SAMD5: variants seen among roughly 807,000 people sequenced by gnomAD.
SAMD5 encodes the protein sterile alpha motif domain-containing protein 5.
In SAMD5, 13 loss-of-function variants were observed where a neutral mutation model predicts 11.3. That is an observed-to-expected ratio of 1.15 (90% CI 0.75 to 1.83). The LOEUF (loss-of-function observed/expected upper bound fraction) is 1.83. SAMD5 is among the 40% of genes most tolerant of loss of function. The pLI, the probability that SAMD5 is intolerant of heterozygous loss-of-function variation, is 0.00. For missense variants in SAMD5, 255 were observed against 239.1 expected (o/e 1.07, Z -0.44); for synonymous variants, 129 against 111.3 (o/e 1.16, Z -1.00).
chr6:147,646,542 G>A (rs529916457), intron 1 of SAMD5, among the ~76,000 whole-genome samples: 50 of 152,200 alleles, frequency 3.3e-4, no homozygotes, highest in African/African-American at 1.2e-3. Context: ...AAACTAGAGA[G>A]CTTATCGTTA....
chr6:147,751,793 C>CT, the SAMD5 span, among the ~76,000 whole-genome samples: 1 of 151,884 alleles, frequency 6.6e-6, no homozygotes, highest in Non-Finnish European at 1.5e-5. Flanking sequence ...TTTCTTTATT[C>CT]TTTTTTTGGA....
At chr6:147,862,026 T>C in the SAMD5 span, among the ~76,000 whole-genome samples, 1 of 152,188 alleles carries the variant, frequency 6.6e-6, no homozygotes, top group Non-Finnish European at 1.5e-5. Context: ...ACTAAGAATG[T>C]TCTGAGGCTG....
At chr6:147,821,716 G>T in the SAMD5 span, among the ~76,000 whole-genome samples, 1 of 152,170 alleles carries the variant, frequency 6.6e-6, no homozygotes, top group Admixed American at 6.5e-5. Flanking sequence ...TTACCCTGCA[G>T]TATACTTGTT....
At chr6:147,672,578 T>C (rs1315903204) in intron 1 of SAMD5, among the ~76,000 whole-genome samples, 1 of 152,184 alleles carries the variant, frequency 6.6e-6, no homozygotes, top group Non-Finnish European at 1.5e-5. Flanking sequence ...ATGTTTAACA[T>C]AGTTAAATAA....
chr6:147,919,263 C>T, the SAMD5 span, among the ~76,000 whole-genome samples: 47 of 152,310 alleles, frequency 3.1e-4, no homozygotes, highest in African/African-American at 1.1e-3. Flanking sequence ...AATCTAGAGA[C>T]TTCACATGGG....
the SAMD5 span, among the ~76,000 whole-genome samples, chr6:147,947,052 G>A: frequency 8.6e-5 from 13 of 151,322 alleles, no homozygotes; most frequent in Non-Finnish European, 1.9e-4. Flanking sequence ...CGTTTACGGG[G>A]CAAATCCTTC....
chr6:147,602,523 C>A (rs544195147), intron 1 of SAMD5, among the ~76,000 whole-genome samples: 5 of 152,134 alleles, frequency 3.3e-5, no homozygotes, highest in Non-Finnish European at 7.4e-5. Flanking sequence ...GTGGGTGGAT[C>A]ATCTGGGGTC....
chr6:147,915,916 A>G, the SAMD5 span, among the ~76,000 whole-genome samples: 1 of 91,714 alleles, frequency 1.1e-5, no homozygotes, highest in Non-Finnish European at 2.1e-5. Context: ...CCCACCCCAC[A>G]ACAGGCCCCG....
chr6:147,730,074 C>CAAAAAAAAAAAAAA (rs34624038), intron 1 of SAMD5: 265 of 307,834 alleles, frequency 8.6e-4, no homozygotes, highest in South Asian at 1.5e-3. Flanking sequence ...GACTCTGTCT[C>CAAAAAAAAAAAAAA]AAAAAAAAAA....
chr6:147,651,836 C>T (rs1359101858), intron 1 of SAMD5, among the ~76,000 whole-genome samples: 1 of 152,152 alleles, frequency 6.6e-6, no homozygotes, highest in Non-Finnish European at 1.5e-5. Context: ...ATTAGAGATT[C>T]TTTTACCAAC....
intron 1 of SAMD5, among the ~76,000 whole-genome samples, chr6:147,735,317 TAGA>T (rs1354899654): frequency 6.6e-6 from 1 of 152,232 alleles, no homozygotes; most frequent in Admixed American, 6.5e-5. Context: ...CATAGGATGT[TAGA>T]AGAGGGTTTT....
downstream of SAMD5, among the ~76,000 whole-genome samples, chr6:147,571,417 AT>A (rs58006364): frequency 6.6e-6 from 1 of 151,472 alleles, no homozygotes; most frequent in Non-Finnish European, 1.5e-5. Context: ...CCCACTGAGG[AT>A]TTTTTTTTAA....
the SAMD5 span, among the ~76,000 whole-genome samples, chr6:147,745,033 A>C: frequency 9.2e-5 from 14 of 152,320 alleles, no homozygotes; most frequent in African/African-American, 3.4e-4. Context: ...AGAGACGTCA[A>C]TTGTATATTT....
the SAMD5 span, among the ~76,000 whole-genome samples, chr6:147,872,086 A>ATATTAG: frequency 3.3e-5 from 5 of 152,142 alleles, no homozygotes; most frequent in Admixed American, 6.5e-5. Context: ...TAAACACACT[A>ATATTAG]TATTAGTATT....
intron 1 of SAMD5, among the ~76,000 whole-genome samples, chr6:147,720,535 A>C (rs990134601): frequency 3.3e-5 from 5 of 152,026 alleles, no homozygotes; most frequent in Admixed American, 2.6e-4. Flanking sequence ...CCTTGTGTAG[A>C]AACGATACCA....
At chr6:147,755,506 G>A in the SAMD5 span, among the ~76,000 whole-genome samples, 13 of 152,160 alleles carry the variant, frequency 8.5e-5, no homozygotes, top group Non-Finnish European at 1.6e-4. Context: ...ATGTAAAACT[G>A]CTTGTCTAGT....
intron 1 of SAMD5, among the ~76,000 whole-genome samples, chr6:147,591,088 A>G (rs1398893467): frequency 3.3e-5 from 5 of 152,132 alleles, no homozygotes; most frequent in African/African-American, 9.7e-5. Flanking sequence ...AGACAGAAAA[A>G]ATTACTTATC....
intron 1 of SAMD5, among the ~76,000 whole-genome samples, chr6:147,602,079 A>G (rs528330213): frequency 7.9e-5 from 12 of 152,334 alleles, no homozygotes; most frequent in African/African-American, 2.9e-4. Context: ...TTGCTGTCTT[A>G]CTTTGTAAGA....
chr6:147,517,059 C>A (rs1788182211), intron 1 of SAMD5, among the ~76,000 whole-genome samples: 1 of 152,076 alleles, frequency 6.6e-6, no homozygotes, highest in African/African-American at 2.4e-5. Flanking sequence ...GTAGAAAGTC[C>A]CTGATTTTTT....
Sources: gnomAD v4.1 joint callset for allele counts (sites outside exome capture counted in the v4.1 genomes callset) on GRCh38, gnomAD v4.1.1 for gene constraint, MANE v1.5 for transcripts, NCBI Gene and HGNC (gene_info 2026-07-23, HGNC 2026-07-21) for gene names.